The following RASSF3 variants were observed in gnomAD, a reference collection of about 807,000 sequenced individuals.
RASSF3 encodes Ras association domain family member 3, also known as ras association domain-containing protein 3.
Under a neutral mutation model 19.9 loss-of-function variants are expected in RASSF3, and 19 were observed. The observed-to-expected ratio is 0.96, with a 90% CI of 0.67 to 1.40. The LOEUF (loss-of-function observed/expected upper bound fraction) is 1.40. Among genes scored for constraint, RASSF3 ranks in the 40% most tolerant of loss-of-function variants. The probability of loss-of-function intolerance (pLI) is 0.00; values close to 1 mark genes in which losing one functional copy is unlikely to be tolerated. For synonymous variants in RASSF3, 110 were observed against 104.2 expected (o/e 1.06, Z -0.34); for missense variants, 306 against 289.8 (o/e 1.06, Z -0.41).
chr12:64,688,498 C>G (rs747491714), intron 3 of RASSF3, 45 bp downstream of exon 3: 34 of 1,347,736 alleles, frequency 2.5e-5, no homozygotes, highest in Non-Finnish European at 3.2e-5. Flanking sequence ...CTTCTACTTG[C>G]ATCTGCTGTT....
downstream of RASSF3, among the ~76,000 whole-genome samples, chr12:64,542,673 T>G (rs567285648): frequency 6.6e-6 from 1 of 152,286 alleles, no homozygotes; most frequent in East Asian, 1.9e-4. Context: ...GTGGATTGCT[T>G]AAGGCCAGGA....
In RASSF3 at chr12:64,649,242, GA is replaced by G. The variant is rs571271452; in HGVS notation, c.112-35544del. ...GAGTCTCGCTCTGTCGCCCAGGCTGGAGTGCAGTGGCGCGATCTCGGCTCAC... is the reference window on the plus strand; with the variant it reads ...GAGTCTCGCTCTGTCGCCCAGGCTGGGTGCAGTGGCGCGATCTCGGCTCAC... On this transcript the variant is annotated intron_variant, in intron 1 of 4. Transcript: ENST00000542104. Among the ~76,000 whole-genome samples, 12 of 151,712 alleles carry G rather than the reference GA, an allele frequency of 7.9e-5. No homozygotes were observed. In the South Asian group the frequency reaches 2.5e-3, roughly 32 times the overall value.
At chr12:64,691,955 A>G (rs1868293185) in intron 4 of RASSF3, among the ~76,000 whole-genome samples, 1 of 152,198 alleles carries the variant, frequency 6.6e-6, no homozygotes, top group African/African-American at 2.4e-5. Context: ...GTTTGCTACT[A>G]ACAAAAGTCT....
At chr12:64,551,747 C>A (rs2136121249) in intron 2 of RASSF3, among the ~76,000 whole-genome samples, 1 of 152,224 alleles carries the variant, frequency 6.6e-6, no homozygotes, top group East Asian at 1.9e-4. Context: ...CGTATTTGTC[C>A]ATTTAGCCTA....
intron 2 of RASSF3, among the ~76,000 whole-genome samples, chr12:64,595,949 A>G (rs1432457483): frequency 1.3e-5 from 2 of 152,200 alleles, no homozygotes; most frequent in Non-Finnish European, 2.9e-5. Context: ...AATATTACCC[A>G]GACTTTCCCT....
intron 1 of RASSF3, among the ~76,000 whole-genome samples, chr12:64,668,596 C>G (rs1175842408): frequency 6.6e-6 from 1 of 151,742 alleles, no homozygotes; most frequent in African/African-American, 2.4e-5. Context: ...TTTTAATCAC[C>G]CTGGCTTGGC....
Position 64,696,609 on chromosome 12 carries a change from A to T in RASSF3, c.*1697A>T, listed in dbSNP as rs796328643. 2.6e-5 allele frequency: 4 copies of T among 151,516 alleles called. No homozygotes were observed. The highest frequency in any genetic ancestry group is 9.7e-5 in the African/African-American group (4 of 41,308). The allele number at this position is 151,516 out of a possible 1,614,324, so 9.4% of individuals were successfully genotyped here. A position where few individuals can be genotyped will look rare whatever the true frequency, so the allele number is the denominator to read the frequency against. On this transcript the variant is annotated 3_prime_UTR_variant, in exon 5 of 5. Coordinates refer to ENST00000542104, the MANE Select transcript of RASSF3 (RefSeq NM_178169.4). ...TTTGCCCAAGTGAACTGTGCCTTTT[A>T]TTGCATTTCTGTTCGTCTCTTGGTG... is the stretch of plus-strand genomic sequence containing the variant.
intron 1 of RASSF3, among the ~76,000 whole-genome samples, chr12:64,624,914 G>T (rs1009593399): frequency 6.6e-6 from 1 of 151,372 alleles, no homozygotes; most frequent in African/African-American, 2.4e-5. Flanking sequence ...CGATCTGCCC[G>T]CCTCGGCCTC....
intron 2 of RASSF3, among the ~76,000 whole-genome samples, chr12:64,571,680 C>T (rs1869521943): frequency 1.3e-5 from 2 of 152,168 alleles, no homozygotes; most frequent in Non-Finnish European, 2.9e-5. Flanking sequence ...CAGTAATTTC[C>T]AGCAATTATC....
chr12:64,675,611 C>G (rs185973819), intron 1 of RASSF3, among the ~76,000 whole-genome samples: 1 of 152,024 alleles, frequency 6.6e-6, no homozygotes, highest in Admixed American at 6.6e-5. Flanking sequence ...AAAGCATGGC[C>G]CCCCGCTGTT....
chr12:64,692,032 G>C (rs977716169), intron 4 of RASSF3, among the ~76,000 whole-genome samples: 1 of 152,146 alleles, frequency 6.6e-6, no homozygotes, highest in African/African-American at 2.4e-5. Flanking sequence ...AAGGCATTTA[G>C]CTTTCTAGCA....
At chr12:64,517,645 G>T (rs1407573556) in intron 1 of RASSF3, among the ~76,000 whole-genome samples, 2 of 149,682 alleles carry the variant, frequency 1.3e-5, no homozygotes, top group Non-Finnish European at 3.0e-5. Context: ...TTGACACAGG[G>T]TCTTGTTCTG....
At position 64,610,605 on chromosome 12, in the gene RASSF3, G is replaced by T; in HGVS notation, c.-28G>T. The stretch of plus-strand genomic sequence containing the variant: ...CCCTGGCCGCCTGCGCCCCGGGGAG[G>T]CCGCCCGCGCGCGACGGGACCGGCA... On this transcript the variant is annotated 5_prime_UTR_variant, in exon 1 of 5. Transcript: ENST00000542104. 1 of 1,440,616 alleles carries T rather than the reference G, an allele frequency of 6.9e-7. No individual in the cohort carries two copies. The highest frequency in any genetic ancestry group is 1.4e-5 in the South Asian group (1 of 73,098). 89.2% of individuals were successfully genotyped at this position (1,440,616 alleles called of 1,614,324 possible). A position where few individuals can be genotyped will look rare whatever the true frequency, so the allele number is the denominator to read the frequency against.
At position 64,567,209 on chromosome 12, in the gene RASSF3, C is replaced by T. The variant is rs182598404; in HGVS notation, c.294+25504C>T. 6.6e-5 allele frequency among the ~76,000 whole-genome samples: 10 copies of T among 152,280 alleles called. No homozygotes were observed. The East Asian group carries it at 1.7e-3, about 26-fold the overall frequency. On this transcript the variant is annotated intron_variant, in intron 2 of 5. Transcript: ENST00000637125. Reference sequence around the variant, plus strand: ...GGCCCTGGGTGACATTTTGCCTGAACATAAGAGGATGATAGTTACACCCTG... The same window carrying T: ...GGCCCTGGGTGACATTTTGCCTGAATATAAGAGGATGATAGTTACACCCTG...
intron 2 of RASSF3, among the ~76,000 whole-genome samples, chr12:64,566,146 A>G (rs1869427735): frequency 6.6e-6 from 1 of 152,118 alleles, no homozygotes; most frequent in African/African-American, 2.4e-5. Context: ...GGTTGCAGTG[A>G]GCCGAGATTG....
At chr12:64,678,648 C>CAAAAAAAAAAAAAAA (rs767180678) in intron 1 of RASSF3, among the ~76,000 whole-genome samples, 6 of 90,908 alleles carry the variant, frequency 6.6e-5, no homozygotes, top group Non-Finnish European at 1.1e-4. Flanking sequence ...TCCGTAATAC[C>CAAAAAAAAAAAAAAA]AAAAAAAAAA....
intron 2 of RASSF3, among the ~76,000 whole-genome samples, chr12:64,595,807 C>T (rs1371721172): frequency 6.6e-6 from 1 of 152,136 alleles, no homozygotes; most frequent in African/African-American, 2.4e-5. Context: ...TTTTCTCTGA[C>T]CTTTTCCTGT....
intron 1 of RASSF3, among the ~76,000 whole-genome samples, chr12:64,540,324 A>C (rs925646517): frequency 6.6e-6 from 1 of 152,190 alleles, no homozygotes; most frequent in Non-Finnish European, 1.5e-5. Context: ...GCTCTTATTT[A>C]TGTGTCTTAA....
chr12:64,692,107 C>T (rs757305136), intron 4 of RASSF3, among the ~76,000 whole-genome samples: 13 of 152,036 alleles, frequency 8.6e-5, no homozygotes, highest in Non-Finnish European at 1.6e-4. Flanking sequence ...CATCATTTGC[C>T]ATGTTGTCTC....
Sources: allele counts gnomAD v4.1 joint callset (sites outside exome capture counted in the v4.1 genomes callset), GRCh38; gene constraint gnomAD v4.1.1; transcripts MANE v1.5; gene names NCBI Gene and HGNC (gene_info 2026-07-23, HGNC 2026-07-21).